The following CEP70 variants were observed in gnomAD, a reference collection of about 807,000 sequenced individuals.
CEP70 encodes centrosomal protein of 70 kDa.
In CEP70, 70 loss-of-function variants were observed where a neutral mutation model predicts 90.9. The observed-to-expected ratio is 0.77, with a 90% CI of 0.64 to 0.94. CEP70 has a LOEUF of 0.94. Ranked by LOEUF, CEP70 falls within the 40% of genes least tolerant of loss-of-function variation. The pLI, the probability that CEP70 is intolerant of heterozygous loss-of-function variation, is 0.00. For synonymous variants in CEP70, 220 were observed against 228.3 expected (o/e 0.96, Z 0.33); for missense variants, 648 against 669.0 (o/e 0.97, Z 0.35).
At position 138,504,044 on chromosome 3, in the gene CEP70, TC is replaced by T. The variant is rs2108684420; in HGVS notation, c.1221+1250del. ...TCTTCTTCCTCTTCTAGTCTTTTCTTCTAGGAAGGCTAGGGCTTTTTCTAGT... is the reference window on the plus strand; with the variant it reads ...TCTTCTTCCTCTTCTAGTCTTTTCTTTAGGAAGGCTAGGGCTTTTTCTAGT... On this transcript the variant is annotated intron_variant, in intron 13 of 17. Transcript: ENST00000264982. 2.0e-5 allele frequency among the ~76,000 whole-genome samples: 3 copies of T among 152,324 alleles called. No homozygotes were observed. The East Asian group carries it at 5.8e-4, about 29-fold the overall frequency.
intron 11 of CEP70, among the ~76,000 whole-genome samples, chr3:138,517,426 T>C (rs2108766026): frequency 6.6e-6 from 1 of 152,104 alleles, no homozygotes; most frequent in South Asian, 2.1e-4. Flanking sequence ...TCCCAGCACT[T>C]TGGGAGGCAG....
intron 17 of CEP70, chr3:138,497,294 G>C (rs1294118347): frequency 3.3e-5 from 41 of 1,258,376 alleles, no homozygotes; most frequent in Non-Finnish European, 4.1e-5. Flanking sequence ...TTCATACCAA[G>C]CTTCATCTCC....
chr3:138,572,990 T>C, intron 2 of CEP70, 58 bp from the exon 3 acceptor site: 1 of 1,205,250 alleles, frequency 8.3e-7, no homozygotes, highest in Non-Finnish European at 1.2e-6. Context: ...GTTGCCTAAA[T>C]GAAAAAAGAC....
rs756886851 is a variant in CEP70, at chr3:138,573,111, T to C, written c.-5-179A>G. 2.9e-4 allele frequency: 173 copies of C among 587,310 alleles called. 1 individual carries two copies. Among genetic ancestry groups the C allele is most frequent in the East Asian group, 1.4e-4 (5 of 35,120 alleles). 36.4% of individuals were successfully genotyped at this position (587,310 alleles called of 1,614,324 possible). ...ACTTTGTGACTTCTTAGATAGCTGATTGTAAGACTCATTTGAATAAACCCT... is the reference window on the plus strand; with the variant it reads ...ACTTTGTGACTTCTTAGATAGCTGACTGTAAGACTCATTTGAATAAACCCT... On this transcript the variant is annotated intron_variant, in intron 2 of 17. Transcript: ENST00000264982.
chr3:138,570,514 T>TA lies in CEP70; in HGVS notation c.285-17dup, dbSNP rs2041098387. The TA allele has an allele frequency of 6.3e-7, 1 of 1,575,604 alleles. No individual in the cohort carries two copies. The highest frequency in any genetic ancestry group is 1.2e-5 in the South Asian group (1 of 84,008). On this transcript the variant is annotated splice_polypyrimidine_tract_variant and intron_variant, in intron 5 of 17. Coordinates refer to ENST00000264982, the MANE Select transcript of CEP70 (RefSeq NM_024491.4). ...AAGTTCATTTCTAAGTTAATAGACA[T>TA]ACAATTTCTTCCCTTAGTATTAAAA...
At chr3:138,530,071 G>A (rs1274827792) in intron 8 of CEP70, among the ~76,000 whole-genome samples, 2 of 152,138 alleles carry the variant, frequency 1.3e-5, no homozygotes. Flanking sequence ...AGATACTGAA[G>A]GACTCTGTGA....
At chr3:138,549,739 C>T (rs1247745067) in intron 6 of CEP70, among the ~76,000 whole-genome samples, 2 of 152,156 alleles carry the variant, frequency 1.3e-5, no homozygotes. Flanking sequence ...GTGCCACCTC[C>T]TGGCAGGAGG....
chr3:138,541,109 G>C (rs1048720876), intron 6 of CEP70, among the ~76,000 whole-genome samples: 17 of 150,836 alleles, frequency 1.1e-4, no homozygotes, highest in Non-Finnish European at 2.1e-4. Context: ...GGAAGAGAAG[G>C]AGAAAAGATA....
intron 1 of CEP70, among the ~76,000 whole-genome samples, chr3:138,592,790 C>T (rs2042448730): frequency 6.6e-6 from 1 of 152,034 alleles, no homozygotes; most frequent in Non-Finnish European, 1.5e-5. Flanking sequence ...TAAACCATGG[C>T]CAATAACTGT....
rs1311511943 is a variant in CEP70 at position 138,494,771 on chromosome 3, A to C, written c.*244T>G. The C allele has an allele frequency of 1.7e-5, 5 of 296,614 alleles. No individual in the cohort carries two copies. Among genetic ancestry groups the C allele is most frequent in the Non-Finnish European group, 3.1e-5 (5 of 160,310 alleles). 18.4% of individuals were successfully genotyped at this position (296,614 alleles called of 1,614,324 possible). A position where few individuals can be genotyped will look rare whatever the true frequency, so the allele number is the denominator to read the frequency against. On this transcript the variant is annotated 3_prime_UTR_variant, in exon 18 of 18. Transcript: ENST00000264982. ...TCTAAAACAACCTTAAATTTTAAGC[A>C]CTCAATAATTGCTTTAGAAATGAAG...
At chr3:138,571,382 G>C (rs1249548868) in intron 3 of CEP70, 26 bp from the exon 4 acceptor site, 2 of 1,454,504 alleles carry the variant, frequency 1.4e-6, no homozygotes, top group Non-Finnish European at 1.9e-6. Flanking sequence ...GAGAAGAAAG[G>C]GTTAACTTTA....
In CEP70 at chr3:138,591,891, G is replaced by A. The variant is rs781361047; in HGVS notation, c.-43C>T. The A allele has an allele frequency of 2.7e-5, 40 of 1,495,572 alleles. No individual in the cohort carries two copies. Among genetic ancestry groups the A allele is most frequent in the Non-Finnish European group, 3.4e-5 (38 of 1,124,400 alleles). The allele number at this position is 1,495,572 out of a possible 1,614,324, so 92.6% of individuals were successfully genotyped here. On this transcript the variant is annotated 5_prime_UTR_variant, in exon 2 of 18. Transcript: ENST00000264982. ...ATATTACTCTTGCACTTTACACCTG[G>A]TCATTCAGGTTGATCTCAATGAAAT...
At chr3:138,540,383 C>G (rs1239939863) in intron 6 of CEP70, among the ~76,000 whole-genome samples, 1 of 151,206 alleles carries the variant, frequency 6.6e-6, no homozygotes, top group Non-Finnish European at 1.5e-5. Context: ...CCCAGCTACT[C>G]AGGAGGCTGA....
chr3:138,571,507 A>C (rs2041174618), intron 3 of CEP70, 151 bp from the exon 4 acceptor site: 1 of 608,396 alleles, frequency 1.6e-6, no homozygotes, highest in Admixed American at 3.2e-5. Context: ...CAAAAAACAC[A>C]TTTATTGTTT....
chr3:138,508,500 T>C lies in CEP70; in HGVS notation c.989A>G (p.Lys330Arg), dbSNP rs761550671. 2 of 1,612,976 alleles carry C rather than the reference T, an allele frequency of 1.2e-6. No individual in the cohort carries two copies. Among genetic ancestry groups the C allele is most frequent in the Non-Finnish European group, 1.7e-6 (2 of 1,179,088 alleles). Reference protein sequence around the residue: ...INHKKAEDTEKKDEPSKYNQQ... With the variant: ...INHKKAEDTERKDEPSKYNQQ... ...ATTATATTTGCTGGGCTCATCTTTCTTCTCTGTGTCCTCAGCCTTCTTATG... is the reference window on the plus strand; with the variant it reads ...ATTATATTTGCTGGGCTCATCTTTCCTCTCTGTGTCCTCAGCCTTCTTATG... The change falls in exon 12 of 18, where the codon AAG becomes AGG. Residue 330 changes from lysine (K) to arginine (R), a missense_variant. Physicochemically the swap from Lys to Arg is conservative, Grantham distance 26 (BLOSUM62 2). Coordinates refer to ENST00000264982, the MANE Select transcript of CEP70 (RefSeq NM_024491.4).
intron 10 of CEP70, among the ~76,000 whole-genome samples, chr3:138,528,045 GTT>G (rs541606837): frequency 1.3e-4 from 17 of 134,976 alleles, no homozygotes; most frequent in Non-Finnish European, 1.8e-4. Context: ...TCTATTTGAA[GTT>G]TTTTTTTTTT....
chr3:138,550,798 G>A (rs945654783), intron 6 of CEP70, among the ~76,000 whole-genome samples: 10 of 152,196 alleles, frequency 6.6e-5, no homozygotes, highest in Admixed American at 3.9e-4. Context: ...CAAGCTTTAC[G>A]AATTAACCCA....
Position 138,571,361 on chromosome 3 carries a change from A to G in CEP70, c.70-5T>C. ...TTCCCATTCTGCTTCTTCCTGCTAC[A>G]ATTACAGAAAGAGAAGAAAGGGTTA... On this transcript the variant is annotated splice_region_variant and splice_polypyrimidine_tract_variant and intron_variant, in intron 3 of 17. Coordinates refer to ENST00000264982, the MANE Select transcript of CEP70 (RefSeq NM_024491.4). 6.3e-7 allele frequency: 1 copy of G among 1,579,022 alleles called. No homozygotes were observed. Among genetic ancestry groups the G allele is most frequent in the Non-Finnish European group, 8.7e-7 (1 of 1,151,182 alleles).
chr3:138,500,637 A>G, intron 14 of CEP70, 70 bp from the exon 15 acceptor site: 5 of 1,513,872 alleles, frequency 3.3e-6, no homozygotes, highest in Non-Finnish European at 4.4e-6. Context: ...AACTTTTAAA[A>G]GACAAATAGA....
Sources: allele counts gnomAD v4.1 joint callset (sites outside exome capture counted in the v4.1 genomes callset), GRCh38; gene constraint gnomAD v4.1.1; transcripts MANE v1.5; gene names NCBI Gene and HGNC (gene_info 2026-07-23, HGNC 2026-07-21).